PARP16: variants seen among roughly 807,000 people sequenced by gnomAD.
PARP16 encodes the protein poly(ADP-ribose) polymerase family member 16, also known as protein mono-ADP-ribosyltransferase PARP16.
Under a neutral mutation model 35.0 loss-of-function variants are expected in PARP16, and 31 were observed. The ratio of observed to expected loss-of-function variants is 0.88; its 90% confidence interval spans 0.66 to 1.19. The LOEUF is 1.19. Ranked by LOEUF, PARP16 falls within the 50% of genes most tolerant of loss-of-function variation. The pLI, the probability that PARP16 is intolerant of heterozygous loss-of-function variation, is 0.00. For synonymous variants in PARP16, 162 were observed against 169.5 expected, an observed-to-expected ratio of 0.96 and a Z score of 0.34; for missense variants, 424 against 411.2, an observed-to-expected ratio of 1.03 and a Z score of -0.27.
intron 2 of PARP16, among the ~76,000 whole-genome samples, chr15:65,270,024 T>C (rs1432799603): frequency 1.3e-5 from 2 of 152,174 alleles, no homozygotes; most frequent in African/African-American, 4.8e-5. Flanking sequence ...TATTTTAACA[T>C]CTAACACAGA....
At chr15:65,255,743 G>GAAAAAAAAA (rs56665485), downstream of PARP16, among the ~76,000 whole-genome samples, 9 of 57,118 alleles carry the variant, frequency 1.6e-4, no homozygotes, top group Non-Finnish European at 2.2e-4. Context: ...AGAAAACTCA[G>GAAAAAAAAA]AAAAAAAAAA....
At chr15:65,234,259 G>A (rs1198543057), downstream of PARP16, among the ~76,000 whole-genome samples, 1 of 152,150 alleles carries the variant, frequency 6.6e-6, no homozygotes, top group Non-Finnish European at 1.5e-5. Context: ...ATTACCTGTA[G>A]GTGTGAGCCA....
intron 2 of PARP16, among the ~76,000 whole-genome samples, chr15:65,250,815 A>T (rs910873508): frequency 6.6e-6 from 1 of 152,120 alleles, no homozygotes; most frequent in Non-Finnish European, 1.5e-5. Flanking sequence ...CTTGAGACTG[A>T]GGCTGCAGAA....
intron 1 of PARP16, among the ~76,000 whole-genome samples, chr15:65,276,931 G>A (rs953488989): frequency 8.0e-5 from 12 of 150,590 alleles, no homozygotes; most frequent in Middle Eastern, 3.4e-3. Flanking sequence ...GCAGTGAACC[G>A]AGATCACGCC....
intron 1 of PARP16, among the ~76,000 whole-genome samples, chr15:65,279,189 G>T (rs2090347445): frequency 6.7e-6 from 1 of 150,100 alleles, no homozygotes; most frequent in African/African-American, 2.4e-5. Flanking sequence ...GTGATTAGCT[G>T]ATGGTGATGA....
Position 65,285,129 on chromosome 15 carries a change from G to C in PARP16, c.174+1124C>G, listed in dbSNP as rs570844613. 2.1e-3 allele frequency among the ~76,000 whole-genome samples: 306 copies of C among 149,176 alleles called. 2 individuals carry two copies. Among genetic ancestry groups the C allele is most frequent in the African/African-American group, 7.4e-3 (301 of 40,462 alleles). ...CTAGAAAAGTTCGCCCAATAACCTG[G>C]CACCCTCCAGGTTTTTTTTTTTTTT... On this transcript the variant is annotated intron_variant, in intron 1 of 5. Transcript: ENST00000649807.
chr15:65,266,177 G>C (rs891982535), intron 3 of PARP16, among the ~76,000 whole-genome samples: 1 of 152,110 alleles, frequency 6.6e-6, no homozygotes, highest in Non-Finnish European at 1.5e-5. Flanking sequence ...AAAGTCCTGG[G>C]ATTACAGGCG....
chr15:65,286,808 G>A lies in PARP16; in HGVS notation c.-382C>T, dbSNP rs974243021. ...TGTCCTCCGCGGAGGCCTGGGGCGG[G>A]AAGCAGCCCCCGGGGGACGGCGGGC... is the stretch of plus-strand genomic sequence containing the variant. On this transcript the variant is annotated 5_prime_UTR_variant, in exon 1 of 6. Coordinates refer to ENST00000649807, the MANE Select transcript of PARP16 (RefSeq NM_001316943.2). 57 of 193,338 alleles carry A rather than the reference G, an allele frequency of 2.9e-4. No homozygotes were observed. The highest frequency in any genetic ancestry group is 1.3e-3 in the African/African-American group (57 of 43,096). 12.0% of individuals were successfully genotyped at this position (193,338 alleles called of 1,614,324 possible).
rs367808430 is a variant in PARP16, at chr15:65,239,955, C to CTTTTTTTTTTTTT, written c.*98-5145_*98-5133dup. 9.8e-5 allele frequency among the ~76,000 whole-genome samples: 8 copies of CTTTTTTTTTTTTT among 81,722 alleles called. 1 individual carries two copies. Among genetic ancestry groups the CTTTTTTTTTTTTT allele is most frequent in the Non-Finnish European group, 1.5e-4 (7 of 46,914 alleles). 53.6% of individuals were successfully genotyped at this position (81,722 alleles called of 152,430 possible). A position where few individuals can be genotyped will look rare whatever the true frequency, so the allele number is the denominator to read the frequency against. The stretch of plus-strand genomic sequence containing the variant: ...ACAGGCGTGAGCCACCGCGTCTGAC[C>CTTTTTTTTTTTTT]TTTTTTTTTTTTTTTTTTTAAATAC... On this transcript the variant is annotated intron_variant and NMD_transcript_variant, in intron 3 of 3. Transcript: ENST00000559805.
At chr15:65,270,844 TAC>T in intron 2 of PARP16, 89 bp downstream of exon 2, 1 of 1,274,624 alleles carries the variant, frequency 7.8e-7, no homozygotes, top group Non-Finnish European at 1.1e-6. Context: ...AGGTCACTGG[TAC>T]ACAGGGAAGT....
At chr15:65,256,529 T>C (rs893548656), downstream of PARP16, among the ~76,000 whole-genome samples, 3 of 149,676 alleles carry the variant, frequency 2.0e-5, no homozygotes, top group African/African-American at 7.4e-5. Context: ...TGCCTGAGCC[T>C]CCCGAGTAGC....
At chr15:65,274,246 CTTTT>C (rs112213715) in intron 1 of PARP16, among the ~76,000 whole-genome samples, 2 of 140,234 alleles carry the variant, frequency 1.4e-5, no homozygotes, top group Admixed American at 7.1e-5. Flanking sequence ...GCCCAGCATA[CTTTT>C]TTTTTTTTTT....
chr15:65,269,771 C>A (rs2090035457), intron 2 of PARP16, among the ~76,000 whole-genome samples: 1 of 152,128 alleles, frequency 6.6e-6, no homozygotes, highest in Non-Finnish European at 1.5e-5. Context: ...CCCAATACCC[C>A]ACAGTTTAAA....
In PARP16 at chr15:65,260,889, T is replaced by C; in HGVS notation, c.829A>G (p.Lys277Glu). ...YLLVYSQKPP[K>E]RASSQLSWFS... Reference sequence around the variant, plus strand: ...AGTTGTTCTCTTGGACCTTACCTCTTGGGTGGCTTCTGTGAATACACCAGG... The same window carrying C: ...AGTTGTTCTCTTGGACCTTACCTCTCGGGTGGCTTCTGTGAATACACCAGG... Residue 277 changes from lysine (K) to glutamate (E), a missense_variant, in exon 5 of 6, where the codon AAG (lysine) becomes GAG (glutamate). Lys to Glu is a moderately conservative substitution (Grantham distance 56). Coordinates refer to ENST00000649807, the MANE Select transcript of PARP16 (RefSeq NM_001316943.2). The C allele has an allele frequency of 3.1e-6, 5 of 1,613,854 alleles. No homozygotes were observed. In the South Asian group the frequency reaches 4.4e-5, roughly 14 times the overall value.
intron 2 of PARP16, among the ~76,000 whole-genome samples, chr15:65,267,678 CTTTTTTTTT>C (rs556058787): frequency 1.9e-5 from 1 of 53,032 alleles, no homozygotes; most frequent in East Asian, 9.3e-4. Flanking sequence ...ATTTTCCTAA[CTTTTTTTTT>C]TTTTTTTTTT....
chr15:65,242,134 T>C (rs1481188293), intron 3 of PARP16, among the ~76,000 whole-genome samples: 2 of 152,188 alleles, frequency 1.3e-5, no homozygotes, highest in Admixed American at 6.6e-5. Flanking sequence ...TACTATCTTT[T>C]CCCCAAAGGT....
chr15:65,283,716 G>A (rs970607031), intron 1 of PARP16, among the ~76,000 whole-genome samples: 3 of 152,102 alleles, frequency 2.0e-5, no homozygotes, highest in African/African-American at 4.8e-5. Flanking sequence ...GTTGTACGGC[G>A]CTTACCTAGT....
At chr15:65,243,666 C>A (rs1258000714) in intron 3 of PARP16, among the ~76,000 whole-genome samples, 4 of 152,122 alleles carry the variant, frequency 2.6e-5, no homozygotes, top group Admixed American at 2.0e-4. Context: ...GGTATTATTT[C>A]TTCCTTAAAT....
At chr15:65,260,123 CA>C (rs2089654647) in intron 5 of PARP16, among the ~76,000 whole-genome samples, 1 of 152,124 alleles carries the variant, frequency 6.6e-6, no homozygotes, top group South Asian at 2.1e-4. Context: ...CAAATTTGGA[CA>C]GGGGTCGGGA....
Sources: gnomAD v4.1 joint callset for allele counts (sites outside exome capture counted in the v4.1 genomes callset) on GRCh38, gnomAD v4.1.1 for gene constraint, MANE v1.5 for transcripts, NCBI Gene and HGNC (gene_info 2026-07-23, HGNC 2026-07-21) for gene names.